The following CAMK4 variants were observed in gnomAD, a reference collection of about 807,000 sequenced individuals.
The protein encoded by CAMK4 is calcium/calmodulin-dependent protein kinase type IV.
Under a neutral mutation model 44.9 loss-of-function variants are expected in CAMK4, and 22 were observed. The ratio of observed to expected loss-of-function variants is 0.49; its 90% CI spans 0.35 to 0.70. The LOEUF is 0.70. CAMK4 is among the 30% of genes least tolerant of loss of function. The probability of loss-of-function intolerance (pLI) is 0.01; values close to 1 mark genes in which losing one functional copy is unlikely to be tolerated. For synonymous variants in CAMK4, 218 were observed against 215.4 expected, an observed-to-expected ratio of 1.01 and a Z score of -0.11; for missense variants, 498 against 586.8, an observed-to-expected ratio of 0.85 and a Z score of 1.56.
At chr5:111,405,743 T>C (rs1752401406) in intron 5 of CAMK4, among the ~76,000 whole-genome samples, 2 of 152,160 alleles carry the variant, frequency 1.3e-5, no homozygotes, top group Admixed American at 1.3e-4. Flanking sequence ...TGAGGGACTT[T>C]TGCTATAAGA....
chr5:111,315,609 T>A (rs917462101), intron 1 of CAMK4, among the ~76,000 whole-genome samples: 1 of 152,182 alleles, frequency 6.6e-6, no homozygotes, highest in African/African-American at 2.4e-5. Context: ...TTTTTTTGTA[T>A]ATAAAGGAAC....
At chr5:111,253,161 T>C (rs1355670028) in intron 1 of CAMK4, among the ~76,000 whole-genome samples, 1 of 152,246 alleles carries the variant, frequency 6.6e-6, no homozygotes, top group Non-Finnish European at 1.5e-5. Flanking sequence ...GGCTTAGTTT[T>C]TGATGTGGAG....
chr5:111,409,441 G>A (rs152881), intron 5 of CAMK4, among the ~76,000 whole-genome samples: 57,584 of 152,094 alleles, frequency 0.38, 11,349 homozygotes, highest in Non-Finnish European at 0.43. Flanking sequence ...ACACAGCAGG[G>A]GAGCCCTGGG....
At chr5:111,239,585 T>C (rs1321531985) in intron 1 of CAMK4, among the ~76,000 whole-genome samples, 2 of 152,182 alleles carry the variant, frequency 1.3e-5, no homozygotes, top group African/African-American at 2.4e-5. Flanking sequence ...AGACCTGCAA[T>C]AGAGTCCCAG....
intron 1 of CAMK4, among the ~76,000 whole-genome samples, chr5:111,250,162 A>G (rs749919167): frequency 6.6e-6 from 1 of 152,248 alleles, no homozygotes; most frequent in Non-Finnish European, 1.5e-5. Flanking sequence ...AATATCTAAG[A>G]TAAAATGAAA....
intron 1 of CAMK4, among the ~76,000 whole-genome samples, chr5:111,310,571 C>T (rs1403625421): frequency 1.3e-5 from 2 of 152,076 alleles, no homozygotes; most frequent in Admixed American, 6.6e-5. Context: ...TGGAAGATGG[C>T]TCAGAGGGGT....
At chr5:111,362,657 A>G (rs1750639213) in intron 2 of CAMK4, among the ~76,000 whole-genome samples, 1 of 152,010 alleles carries the variant, frequency 6.6e-6, no homozygotes, top group African/African-American at 2.4e-5. Flanking sequence ...ATCCCTGACA[A>G]CATGAATCTT....
At chr5:111,263,133 C>T (rs7725193) in intron 1 of CAMK4, among the ~76,000 whole-genome samples, 37,984 of 152,132 alleles carry the variant, frequency 0.25, 5,446 homozygotes, top group African/African-American at 0.4. Context: ...CTAAAGGGAA[C>T]ACTTTCAATG....
intron 1 of CAMK4, among the ~76,000 whole-genome samples, chr5:111,319,370 A>G (rs1748565275): frequency 1.3e-5 from 2 of 152,136 alleles, no homozygotes; most frequent in African/African-American, 2.4e-5. Context: ...TTTGTTAACT[A>G]TGTCTTTTTG....
rs760714420 is a variant in CAMK4, at chr5:111,224,518, C to A, written c.35C>A (p.Ser12Ter). ...LKVTVPSCSASSCSSVTASAA... is the reference protein window; with the variant it reads ...LKVTVPSCSA ...GTCACGGTGCCCTCCTGCTCCGCCT[C>A]GTCCTGCTCTTCGGTCACCGCCAGT... Residue 12 changes from serine to a stop codon, truncating the protein, a stop_gained, in exon 1 of 11, where the codon TCG (serine) becomes TAG (stop). Coordinates refer to ENST00000282356, the MANE Select transcript of CAMK4 (RefSeq NM_001744.6). LOFTEE classifies it high-confidence loss of function. The surrounding 1 kb of genome is among the most constrained non-coding windows in gnomAD (Gnocchi z 5.7). 6.2e-7 allele frequency: 1 copy of A among 1,610,944 alleles called. No homozygotes were observed. Among genetic ancestry groups the A allele is most frequent in the East Asian group, 2.2e-5 (1 of 44,706 alleles).
At chr5:111,361,038 C>G (rs1173681084) in intron 2 of CAMK4, among the ~76,000 whole-genome samples, 2 of 151,972 alleles carry the variant, frequency 1.3e-5, no homozygotes, top group Non-Finnish European at 2.9e-5. Context: ...CTCTTTCCAC[C>G]AAGTTTTTAG....
chr5:111,433,122 G>A lies in CAMK4; in HGVS notation c.460-13564G>A, dbSNP rs143809937. Among the ~76,000 whole-genome samples the A allele has an allele frequency of 9.8e-3, 1,489 of 152,252 alleles. 19 individuals are homozygous for A. The highest frequency in any genetic ancestry group is 0.016 in the Non-Finnish European group (1,097 of 68,004). ...GTTATAAAGTGTTCCAGTCACTGCT[G>A]ATATGTTCACAGATTATCCTGTTTC... is the stretch of plus-strand genomic sequence containing the variant. On this transcript the variant is annotated intron_variant, in intron 5 of 10. Transcript: ENST00000282356.
At chr5:111,336,604 A>T (rs1165901596) in intron 1 of CAMK4, among the ~76,000 whole-genome samples, 1 of 151,072 alleles carries the variant, frequency 6.6e-6, no homozygotes, top group African/African-American at 2.4e-5. Context: ...CCAAAAACGT[A>T]TTTATTAATT....
chr5:111,489,837 T>C lies in CAMK4; in HGVS notation c.*5371T>C, dbSNP rs1755754620. The C allele has an allele frequency of 3.3e-5, 5 of 152,348 alleles. No individual in the cohort carries two copies. In the South Asian group the frequency reaches 1.0e-3, roughly 32 times the overall value. 9.4% of individuals were successfully genotyped at this position (152,348 alleles called of 1,614,324 possible). ...TGGGTTACTCTTTTCTTGTCTTGGT[T>C]TGCTATGCCTTATCCCAGATCAGTG... On this transcript the variant is annotated 3_prime_UTR_variant, in exon 11 of 11. Coordinates refer to ENST00000282356, the MANE Select transcript of CAMK4 (RefSeq NM_001744.6).
At chr5:111,320,823 T>C (rs1305764244) in intron 1 of CAMK4, among the ~76,000 whole-genome samples, 4 of 152,222 alleles carry the variant, frequency 2.6e-5, no homozygotes, top group African/African-American at 9.6e-5. Flanking sequence ...CCATTTTTAA[T>C]TGATATTCAA....
At chr5:111,467,472 A>G (rs1424573994) in intron 7 of CAMK4, among the ~76,000 whole-genome samples, 1 of 152,060 alleles carries the variant, frequency 6.6e-6, no homozygotes, top group African/African-American at 2.4e-5. Flanking sequence ...ACTAATATCC[A>G]GAATCTACAA....
At chr5:111,344,905 A>G (rs1183577751) in intron 2 of CAMK4, among the ~76,000 whole-genome samples, 1 of 151,940 alleles carries the variant, frequency 6.6e-6, no homozygotes, top group East Asian at 1.9e-4. Flanking sequence ...TTCTACTCAT[A>G]AAACCACAAA....
At chr5:111,478,109 A>T (rs764644636) in intron 8 of CAMK4, among the ~76,000 whole-genome samples, 3 of 151,116 alleles carry the variant, frequency 2.0e-5, no homozygotes, top group Admixed American at 1.3e-4. Context: ...TTATAATAAT[A>T]ATTATTATTA....
chr5:111,430,439 C>T (rs930743515), intron 5 of CAMK4, among the ~76,000 whole-genome samples: 1 of 152,200 alleles, frequency 6.6e-6, no homozygotes, highest in East Asian at 1.9e-4. Flanking sequence ...TGTTATTTAA[C>T]ATAGTACTGG....
Sources: gnomAD v4.1 joint callset for allele counts (sites outside exome capture counted in the v4.1 genomes callset) on GRCh38, gnomAD v4.1.1 for gene constraint, Gnocchi (gnomAD v3.1) non-coding constraint, MANE v1.5 for transcripts, NCBI Gene and HGNC (gene_info 2026-07-23, HGNC 2026-07-21) for gene names.